Variants in EPHA6 observed in about 807,000 individuals in gnomAD.
EPHA6 encodes the protein ephrin type-A receptor 6.
EPHA6 carries 50 observed loss-of-function variants against 112.0 expected under a neutral mutation model. The observed-to-expected ratio is 0.45, with a 90% CI of 0.36 to 0.56. The LOEUF (loss-of-function observed/expected upper bound fraction) is 0.56, where lower values mean the gene tolerates loss of function less well. Among genes scored for constraint, EPHA6 ranks in the 20% least tolerant of loss-of-function variants. The probability of loss-of-function intolerance (pLI) is 0.00; values close to 1 mark genes in which losing one functional copy is unlikely to be tolerated. For missense variants in EPHA6, 1,280 were observed against 1,417.4 expected, an observed-to-expected ratio of 0.90 and a Z score of 1.56; for synonymous variants, 529 against 490.7, an observed-to-expected ratio of 1.08 and a Z score of -1.03.
chr3:97,181,714 G>C (rs1487741715), intron 3 of EPHA6, among the ~76,000 whole-genome samples: 1 of 152,066 alleles, frequency 6.6e-6, no homozygotes, highest in Non-Finnish European at 1.5e-5. Flanking sequence ...GATTTGGCCA[G>C]TTGATTTTCG....
chr3:97,612,436 C>A (rs138383942), intron 13 of EPHA6: 3 of 404,842 alleles, frequency 7.4e-6, no homozygotes, highest in South Asian at 5.6e-5. Context: ...ATCTAAATTG[C>A]TGCTAAAAAT....
At chr3:97,687,055 T>A (rs1055169647) in intron 14 of EPHA6, among the ~76,000 whole-genome samples, 2 of 152,220 alleles carry the variant, frequency 1.3e-5, no homozygotes, top group African/African-American at 4.8e-5. Context: ...TCTCTTATGG[T>A]GCATGAAGAG....
intron 3 of EPHA6, among the ~76,000 whole-genome samples, chr3:97,173,987 A>AT (rs1005022611): frequency 8.0e-5 from 12 of 150,696 alleles, no homozygotes; most frequent in South Asian, 4.2e-4. Context: ...CATTCTTTCT[A>AT]TTTTTTTTAC....
chr3:97,634,401 A>G (rs1479998575), intron 13 of EPHA6, among the ~76,000 whole-genome samples: 1 of 151,872 alleles, frequency 6.6e-6, no homozygotes, highest in South Asian at 2.1e-4. Context: ...CCCACATTTT[A>G]TAAACAGTAG....
At chr3:97,654,881 T>A in intron 14 of EPHA6, among the ~76,000 whole-genome samples, 1 of 151,544 alleles carries the variant, frequency 6.6e-6, no homozygotes, top group South Asian at 2.1e-4. Context: ...AAGGGTGACA[T>A]ATGATTTGTG....
chr3:96,923,482 G>T (rs1166402132), intron 2 of EPHA6, among the ~76,000 whole-genome samples: 2 of 146,752 alleles, frequency 1.4e-5, no homozygotes, highest in Non-Finnish European at 3.0e-5. Context: ...ACTATTTAAG[G>T]TTTTTTTTTT....
At chr3:97,239,280 A>G (rs1226874495) in intron 4 of EPHA6, among the ~76,000 whole-genome samples, 3 of 151,928 alleles carry the variant, frequency 2.0e-5, no homozygotes, top group Admixed American at 6.6e-5. Context: ...ATAATCAGTT[A>G]CTAATTTGTA....
intron 3 of EPHA6, among the ~76,000 whole-genome samples, chr3:97,179,760 T>C (rs1012921548): frequency 6.5e-5 from 9 of 138,666 alleles, no homozygotes; most frequent in East Asian, 2.3e-4. Context: ...TCTCTCTCTC[T>C]CCTGAACCAC....
chr3:97,539,587 T>C (rs571147121), intron 11 of EPHA6, among the ~76,000 whole-genome samples: 1 of 152,310 alleles, frequency 6.6e-6, no homozygotes, highest in South Asian at 2.1e-4. Context: ...ATTGCATTCA[T>C]GATGAATGAC....
intron 2 of EPHA6, among the ~76,000 whole-genome samples, chr3:96,880,532 A>G (rs1005695930): frequency 1.3e-5 from 2 of 152,172 alleles, no homozygotes; most frequent in African/African-American, 2.4e-5. Flanking sequence ...CTTTTAAAAA[A>G]AATTGAGTTG....
chr3:96,823,638 A>G (rs1217179122), intron 1 of EPHA6, among the ~76,000 whole-genome samples: 1 of 151,906 alleles, frequency 6.6e-6, no homozygotes, highest in Non-Finnish European at 1.5e-5. Context: ...GTACAAAGTC[A>G]TAAAAGAATT....
chr3:96,981,203 T>A (rs891146022), intron 2 of EPHA6, among the ~76,000 whole-genome samples: 2 of 152,212 alleles, frequency 1.3e-5, no homozygotes, highest in African/African-American at 4.8e-5. Flanking sequence ...AAATAGCTCT[T>A]ATTATTTTGA....
chr3:97,105,171 T>G (rs892660422), intron 3 of EPHA6, among the ~76,000 whole-genome samples: 1 of 152,082 alleles, frequency 6.6e-6, no homozygotes, highest in African/African-American at 2.4e-5. Context: ...TCTTTTGCTC[T>G]CTTTAGATTT....
At chr3:96,909,779 T>C (rs1407449504) in intron 2 of EPHA6, among the ~76,000 whole-genome samples, 1 of 152,034 alleles carries the variant, frequency 6.6e-6, no homozygotes, top group Non-Finnish European at 1.5e-5. Flanking sequence ...AAGTGGAACA[T>C]CTTGGTCTAA....
chr3:97,003,004 A>G (rs1316747894), intron 3 of EPHA6, among the ~76,000 whole-genome samples: 1 of 152,194 alleles, frequency 6.6e-6, no homozygotes, highest in Non-Finnish European at 1.5e-5. Context: ...ATTAATGGGA[A>G]GAATAGACAG....
At chr3:97,740,376 C>A (rs1272267838) in intron 16 of EPHA6, among the ~76,000 whole-genome samples, 4 of 152,142 alleles carry the variant, frequency 2.6e-5, no homozygotes, top group African/African-American at 9.6e-5. Context: ...TTAGGGGCTT[C>A]TTGACTATCA....
At chr3:97,438,493 A>T (rs1281068778) in intron 6 of EPHA6, among the ~76,000 whole-genome samples, 1 of 152,166 alleles carries the variant, frequency 6.6e-6, no homozygotes, top group African/African-American at 2.4e-5. Context: ...CAAACTTTTA[A>T]TTGCTCTAAT....
rs111252878 is a variant in EPHA6 at position 97,469,738 on chromosome 3, C to G, written c.1895-5614C>G. Reference sequence around the variant, plus strand: ...GGGACATGGGAAAGGGATGATTTTACTTTCTAGGCAATGGGAAATGTTCTC... The same window carrying G: ...GGGACATGGGAAAGGGATGATTTTAGTTTCTAGGCAATGGGAAATGTTCTC... On this transcript the variant is annotated intron_variant, in intron 7 of 17. Coordinates refer to ENST00000389672, the MANE Select transcript of EPHA6 (RefSeq NM_001080448.3). 3.2e-3 allele frequency among the ~76,000 whole-genome samples: 480 copies of G among 151,748 alleles called. 3 individuals carry two copies. The highest frequency in any genetic ancestry group is 0.011 in the African/African-American group (465 of 41,456).
chr3:97,442,226 GA>G (rs2090160734), intron 6 of EPHA6, among the ~76,000 whole-genome samples: 1 of 152,062 alleles, frequency 6.6e-6, no homozygotes, highest in Admixed American at 6.6e-5. Context: ...TGTACATCTT[GA>G]ACTGGAGTGC....
Sources: gnomAD v4.1 joint callset for allele counts (sites outside exome capture counted in the v4.1 genomes callset) on GRCh38, gnomAD v4.1.1 for gene constraint, MANE v1.5 for transcripts, NCBI Gene and HGNC (gene_info 2026-07-23, HGNC 2026-07-21) for gene names.